ERG: variants seen among roughly 807,000 people sequenced by gnomAD.
The protein encoded by ERG is transcriptional regulator ERG.
Under a neutral mutation model 55.3 loss-of-function variants are expected in ERG, and 9 were observed. That is an observed-to-expected ratio of 0.16 (90% CI 0.10 to 0.28). The LOEUF (loss-of-function observed/expected upper bound fraction) is 0.28, where lower values mean the gene tolerates loss of function less well. ERG is among the 10% of genes least tolerant of loss of function. The probability of loss-of-function intolerance (pLI) is 1.00; values close to 1 mark genes in which losing one functional copy is unlikely to be tolerated. For missense variants in ERG, 434 were observed against 631.6 expected (o/e 0.69, Z 3.35); for synonymous variants, 223 against 237.3 (o/e 0.94, Z 0.55).
intron 1 of ERG, among the ~76,000 whole-genome samples, chr21:38,619,869 A>T (rs1461203994): frequency 6.6e-6 from 1 of 152,246 alleles, no homozygotes; most frequent in Non-Finnish European, 1.5e-5. Flanking sequence ...AGAGGAAGAA[A>T]ACATGTAGGT....
At chr21:38,639,120 T>C (rs1328337968) in intron 1 of ERG, among the ~76,000 whole-genome samples, 1 of 152,148 alleles carries the variant, frequency 6.6e-6, no homozygotes, top group East Asian at 1.9e-4. Context: ...AAAGAGCTAC[T>C]TAGACAGTCA....
At chr21:38,378,135 G>C (rs1601306107), downstream of ERG, among the ~76,000 whole-genome samples, 2 of 152,224 alleles carry the variant, frequency 1.3e-5, no homozygotes, top group South Asian at 4.1e-4. Context: ...TGACTCTTAG[G>C]ACAAACTGGC....
intron 2 of ERG, among the ~76,000 whole-genome samples, chr21:38,529,727 G>A (rs1315043286): frequency 2.6e-5 from 4 of 152,148 alleles, no homozygotes; most frequent in Admixed American, 1.3e-4. Context: ...CACTTTGGGA[G>A]GCTGAGGCAG....
intron 6 of ERG, among the ~76,000 whole-genome samples, chr21:38,397,596 CAAAAAA>C (rs61047146): frequency 4.5e-5 from 3 of 67,164 alleles, no homozygotes; most frequent in Admixed American, 1.9e-4. Context: ...GACTCCATCT[CAAAAAA>C]AAAAAAAAAA....
At chr21:38,504,272 T>A (rs1360192063) in intron 2 of ERG, among the ~76,000 whole-genome samples, 1 of 152,182 alleles carries the variant, frequency 6.6e-6, no homozygotes. Context: ...TTCAGTTCTA[T>A]AAGCTCCCAT....
chr21:38,506,339 C>G (rs1249832468), intron 2 of ERG, among the ~76,000 whole-genome samples: 1 of 152,138 alleles, frequency 6.6e-6, no homozygotes, highest in Non-Finnish European at 1.5e-5. Context: ...CCTGCCTAAA[C>G]TCAGACACCA....
intron 1 of ERG, among the ~76,000 whole-genome samples, chr21:38,623,966 C>T (rs963943675): frequency 3.3e-5 from 5 of 152,196 alleles, no homozygotes; most frequent in Admixed American, 1.3e-4. Flanking sequence ...CCCAGAGTTA[C>T]AGTAATCACA....
chr21:38,454,442 G>A (rs907993642), intron 1 of ERG, among the ~76,000 whole-genome samples: 2 of 152,336 alleles, frequency 1.3e-5, no homozygotes, highest in African/African-American at 2.4e-5. Context: ...TGCTGAGTCA[G>A]AATCTGCTTT....
chr21:38,558,507 C>T (rs962112640), intron 2 of ERG, among the ~76,000 whole-genome samples: 5 of 152,320 alleles, frequency 3.3e-5, no homozygotes, highest in African/African-American at 1.2e-4. Context: ...CAAAGTCAAA[C>T]ATTAGTGTGT....
intron 1 of ERG, among the ~76,000 whole-genome samples, chr21:38,490,053 G>A (rs749681692): frequency 6.6e-6 from 1 of 152,200 alleles, no homozygotes; most frequent in Non-Finnish European, 1.5e-5. Context: ...AGTGTCCGGT[G>A]AACTCACCAG....
At chr21:38,542,234 C>A (rs577995043) in intron 2 of ERG, among the ~76,000 whole-genome samples, 1 of 152,104 alleles carries the variant, frequency 6.6e-6, no homozygotes, top group African/African-American at 2.4e-5. Flanking sequence ...GTGATCCACC[C>A]GCCTCAGCCT....
In ERG at chr21:38,423,652, G is replaced by T. The variant is rs936848182; in HGVS notation, c.237-91C>A. The T allele has an allele frequency of 2.9e-6, 4 of 1,359,976 alleles. No homozygotes were observed. The Admixed American group carries it at 6.3e-5, about 21-fold the overall frequency. 84.2% of individuals were successfully genotyped at this position (1,359,976 alleles called of 1,614,324 possible). Reference sequence around the variant, plus strand: ...ACAATACACAGAGAGAACCAAAGAAGGGCAAGGCGGAAGAGACTGGGGGAG... The same window carrying T: ...ACAATACACAGAGAGAACCAAAGAATGGCAAGGCGGAAGAGACTGGGGGAG... On this transcript the variant is annotated intron_variant, in intron 2 of 9. Transcript: ENST00000288319.
intron 2 of ERG, among the ~76,000 whole-genome samples, chr21:38,562,569 G>A (rs934176143): frequency 6.6e-6 from 1 of 152,158 alleles, no homozygotes; most frequent in African/African-American, 2.4e-5. Context: ...TTGAGAAGCC[G>A]TCCTCCTGCA....
intron 1 of ERG, among the ~76,000 whole-genome samples, chr21:38,454,222 T>C (rs2105492): frequency 0.75 from 113,401 of 152,122 alleles, 42,750 homozygotes; most frequent in East Asian, 0.89. Context: ...AATCACTCAG[T>C]GGAGGATGAA....
chr21:38,653,231 G>A (rs545463581), intron 1 of ERG, among the ~76,000 whole-genome samples: 1 of 152,272 alleles, frequency 6.6e-6, no homozygotes, highest in East Asian at 1.9e-4. Context: ...TCTGCATAGT[G>A]TCTTGCATGA....
chr21:38,511,325 A>G (rs1007846349), intron 2 of ERG, among the ~76,000 whole-genome samples: 1 of 152,218 alleles, frequency 6.6e-6, no homozygotes, highest in Non-Finnish European at 1.5e-5. Flanking sequence ...AGCATTGAAT[A>G]TTGTGTTTTG....
At chr21:38,507,145 T>A (rs1287217735) in intron 2 of ERG, among the ~76,000 whole-genome samples, 1 of 152,114 alleles carries the variant, frequency 6.6e-6, no homozygotes, top group Non-Finnish European at 1.5e-5. Flanking sequence ...GAATTGCTAA[T>A]GATGAGCTGG....
At chr21:38,648,962 G>A (rs1423199904) in intron 1 of ERG, among the ~76,000 whole-genome samples, 2 of 152,170 alleles carry the variant, frequency 1.3e-5, no homozygotes, top group African/African-American at 4.8e-5. Context: ...GAGACAGTGA[G>A]GAAGGGGCAT....
At chr21:38,557,984 T>C (rs967877154) in intron 2 of ERG, among the ~76,000 whole-genome samples, 2 of 152,226 alleles carry the variant, frequency 1.3e-5, no homozygotes, top group Admixed American at 6.5e-5. Context: ...ATATATCCTA[T>C]GGCAACTGGC....
Sources: allele counts gnomAD v4.1 joint callset (sites outside exome capture counted in the v4.1 genomes callset), GRCh38; gene constraint gnomAD v4.1.1; transcripts MANE v1.5; gene names NCBI Gene and HGNC (gene_info 2026-07-23, HGNC 2026-07-21).